COL13A1: variants seen among roughly 807,000 people sequenced by gnomAD.
COL13A1 encodes the protein collagen alpha-1(XIII) chain.
A neutral mutation model predicts 130.9 loss-of-function variants in COL13A1; 89 were observed. The observed-to-expected ratio is 0.68, with a 90% confidence interval of 0.57 to 0.81. COL13A1 has a LOEUF of 0.81. Ranked by LOEUF, COL13A1 falls within the 30% of genes least tolerant of loss-of-function variation. COL13A1 has a pLI of 0.00. For missense variants in COL13A1, 879 were observed against 934.6 expected, an observed-to-expected ratio of 0.94 and a Z score of 0.78; for synonymous variants, 402 against 341.6, an observed-to-expected ratio of 1.18 and a Z score of -1.95.
chr10:69,916,380 C>T (rs2063925170), intron 17 of COL13A1, among the ~76,000 whole-genome samples: 1 of 152,176 alleles, frequency 6.6e-6, no homozygotes, highest in African/African-American at 2.4e-5. Flanking sequence ...CATCCCGGGC[C>T]CCAGCTGGGG....
At chr10:69,921,465 G>T (rs1226126275) in intron 21 of COL13A1, among the ~76,000 whole-genome samples, 2 of 152,192 alleles carry the variant, frequency 1.3e-5, no homozygotes, top group Non-Finnish European at 2.9e-5. Context: ...GGAGCCCTTA[G>T]TTGCTAAGCA....
intron 17 of COL13A1, among the ~76,000 whole-genome samples, chr10:69,907,063 A>G (rs751652605): frequency 4.6e-5 from 7 of 152,218 alleles, no homozygotes; most frequent in Admixed American, 6.5e-5. Flanking sequence ...TGGGCCTTCC[A>G]CTAGAAAATC....
chr10:69,825,590 T>C (rs530486697), intron 2 of COL13A1, among the ~76,000 whole-genome samples: 1 of 152,310 alleles, frequency 6.6e-6, no homozygotes, highest in South Asian at 2.1e-4. Flanking sequence ...TTTACTGCTA[T>C]TGGGACAAAA....
chr10:69,942,409 C>T (rs901661847), intron 35 of COL13A1, among the ~76,000 whole-genome samples: 2 of 152,172 alleles, frequency 1.3e-5, no homozygotes, highest in Admixed American at 6.5e-5. Context: ...GTCTCAGGTG[C>T]GGGCAGGGCT....
intron 1 of COL13A1, among the ~76,000 whole-genome samples, chr10:69,811,959 GTCCTC>G: frequency 6.6e-6 from 1 of 152,018 alleles, no homozygotes. Flanking sequence ...CTGCAGACCT[GTCCTC>G]TCCTCTCCAT....
intron 2 of COL13A1, among the ~76,000 whole-genome samples, chr10:69,842,985 G>A: frequency 6.6e-6 from 1 of 152,214 alleles, no homozygotes. Context: ...GGTTGCCTGG[G>A]CTGCAGAAAC....
chr10:69,898,963 A>T lies in COL13A1; in HGVS notation c.750+201A>T, dbSNP rs113135526. ...CCACAACTACCACCACACAATGATTACTCAAAACAGCCATCAACAAGAGCT... is the reference window on the plus strand; with the variant it reads ...CCACAACTACCACCACACAATGATTTCTCAAAACAGCCATCAACAAGAGCT... On this transcript the variant is annotated intron_variant, in intron 14 of 40. Coordinates refer to ENST00000645393, the MANE Select transcript of COL13A1 (RefSeq NM_001368882.1). Among the ~76,000 whole-genome samples, 884 of 152,266 alleles carry T rather than the reference A, an allele frequency of 5.8e-3. 7 individuals are homozygous for T. The highest frequency in any genetic ancestry group is 0.02 in the African/African-American group (849 of 41,560).
intron 2 of COL13A1, among the ~76,000 whole-genome samples, chr10:69,853,038 G>A (rs11598063): frequency 0.028 from 4,302 of 152,286 alleles, 63 homozygotes; most frequent in Middle Eastern, 0.034. Flanking sequence ...ATGGGGAGGG[G>A]GCTCTGTGCA....
intron 14 of COL13A1, 71 bp downstream of exon 14, chr10:69,898,833 G>A (rs2061917519): frequency 1.7e-6 from 2 of 1,209,968 alleles, no homozygotes; most frequent in African/African-American, 1.5e-5. Context: ...TGGGGCTGCA[G>A]ACAAAGCCAG....
At chr10:69,886,876 A>G (rs2060641666) in intron 7 of COL13A1, among the ~76,000 whole-genome samples, 1 of 152,224 alleles carries the variant, frequency 6.6e-6, no homozygotes, top group Non-Finnish European at 1.5e-5. Context: ...GAAAATAGGC[A>G]TAGATTGCTC....
At chr10:69,879,202 G>A (rs1250710327) in intron 6 of COL13A1, among the ~76,000 whole-genome samples, 1 of 152,134 alleles carries the variant, frequency 6.6e-6, no homozygotes, top group African/African-American at 2.4e-5. Context: ...CTGACTCCAA[G>A]GCTGGGGCTC....
chr10:69,873,520 C>T (rs1252959456), intron 4 of COL13A1, among the ~76,000 whole-genome samples: 2 of 152,196 alleles, frequency 1.3e-5, no homozygotes, highest in Non-Finnish European at 2.9e-5. Context: ...GCAAGGGCTG[C>T]TGCACATAGT....
chr10:69,930,408 C>T lies in COL13A1; in HGVS notation c.1539C>T (p.Arg513=), dbSNP rs754892079. ...TTTGGTATTTTCTAAAGGGACCTCG[C>T]GGTAAACCAGGAGACATGGGCCCTC... is the stretch of plus-strand genomic sequence containing the variant. ...PPGHDGEKGP[R]GKPGDMGPPG... Residue 513 remains arginine, a synonymous_variant, in exon 30 of 41, where the codon CGC becomes CGT. Coordinates refer to ENST00000645393, the MANE Select transcript of COL13A1 (RefSeq NM_001368882.1). 3.7e-5 allele frequency: 60 copies of T among 1,605,536 alleles called. No individual in the cohort carries two copies. The highest frequency in any genetic ancestry group is 1.1e-4 in the South Asian group (10 of 90,126).
intron 1 of COL13A1, among the ~76,000 whole-genome samples, chr10:69,806,792 A>G (rs145859454): frequency 1.3e-5 from 2 of 152,198 alleles, no homozygotes; most frequent in Admixed American, 6.5e-5. Flanking sequence ...GGATCACCTG[A>G]GGTCAGGAAT....
intron 1 of COL13A1, among the ~76,000 whole-genome samples, chr10:69,819,173 T>C (rs908961321): frequency 6.6e-6 from 1 of 152,246 alleles, no homozygotes; most frequent in African/African-American, 2.4e-5. Flanking sequence ...CCTCTGGGGT[T>C]TACTTGTTCA....
intron 10 of COL13A1, among the ~76,000 whole-genome samples, chr10:69,890,935 C>T (rs2061110590): frequency 1.3e-5 from 2 of 152,236 alleles, no homozygotes; most frequent in Non-Finnish European, 2.9e-5. Context: ...GATCGAAACA[C>T]AGTTCTCAAA....
chr10:69,923,605 C>T (rs1020519494), intron 23 of COL13A1, among the ~76,000 whole-genome samples, 197 bp from the exon 24 acceptor site: 1 of 152,142 alleles, frequency 6.6e-6, no homozygotes. Flanking sequence ...AGTGGGCTTC[C>T]AGAGGAAGCA....
At chr10:69,816,126 T>C (rs1388407749) in intron 1 of COL13A1, among the ~76,000 whole-genome samples, 1 of 150,762 alleles carries the variant, frequency 6.6e-6, no homozygotes, top group Non-Finnish European at 1.5e-5. Flanking sequence ...GAGAAAGGTC[T>C]GCAGGGGCAC....
chr10:69,847,643 G>A (rs1853519898), intron 2 of COL13A1, among the ~76,000 whole-genome samples: 1 of 152,242 alleles, frequency 6.6e-6, no homozygotes. Flanking sequence ...ATAAATAACA[G>A]GGTCTGTATA....
Sources: gnomAD v4.1 joint callset for allele counts (sites outside exome capture counted in the v4.1 genomes callset) on GRCh38, gnomAD v4.1.1 for gene constraint, MANE v1.5 for transcripts, NCBI Gene and HGNC (gene_info 2026-07-23, HGNC 2026-07-21) for gene names.